The following RNGTT variants were observed in gnomAD, a reference collection of about 807,000 sequenced individuals.
The protein encoded by RNGTT is RNA guanylyltransferase and 5'-phosphatase.
In RNGTT, 33 loss-of-function variants were observed where a neutral mutation model predicts 79.3. That is an observed-to-expected ratio of 0.42 (90% CI 0.32 to 0.56). The LOEUF is 0.56. Ranked by LOEUF, RNGTT falls within the 20% of genes least tolerant of loss-of-function variation. The probability of loss-of-function intolerance (pLI) is 0.17; values close to 1 mark genes in which losing one functional copy is unlikely to be tolerated. For synonymous variants in RNGTT, 222 were observed against 235.9 expected, an observed-to-expected ratio of 0.94 and a Z score of 0.54; for missense variants, 497 against 739.1, an observed-to-expected ratio of 0.67 and a Z score of 3.80.
intron 8 of RNGTT, among the ~76,000 whole-genome samples, chr6:88,868,064 G>T (rs1234168428): frequency 6.6e-6 from 1 of 151,648 alleles, no homozygotes; most frequent in Non-Finnish European, 1.5e-5. Context: ...CACTGCCACA[G>T]CAACTATTCC....
chr6:88,734,708 T>G (rs538415957), intron 13 of RNGTT, among the ~76,000 whole-genome samples: 1 of 152,274 alleles, frequency 6.6e-6, no homozygotes, highest in Admixed American at 6.5e-5. Context: ...ATGACAATTT[T>G]TCAACACTAT....
At chr6:88,658,848 G>A (rs1180468812) in intron 14 of RNGTT, among the ~76,000 whole-genome samples, 1 of 152,204 alleles carries the variant, frequency 6.6e-6, no homozygotes, top group South Asian at 2.1e-4. Flanking sequence ...TCAGCTTTTA[G>A]ACTCTTGGAC....
At chr6:88,669,384 A>T (rs1407255236) in intron 14 of RNGTT, among the ~76,000 whole-genome samples, 9 of 152,242 alleles carry the variant, frequency 5.9e-5, no homozygotes, top group Non-Finnish European at 1.3e-4. Flanking sequence ...CCATGGATCC[A>T]GTTCCTGATA....
At chr6:88,792,285 T>C (rs944461545) in intron 12 of RNGTT, among the ~76,000 whole-genome samples, 1 of 152,200 alleles carries the variant, frequency 6.6e-6, no homozygotes, top group Admixed American at 6.5e-5. Context: ...GCCACATCTG[T>C]CTATAATCAA....
chr6:88,846,632 C>T (rs999808738), intron 10 of RNGTT, among the ~76,000 whole-genome samples: 5 of 152,012 alleles, frequency 3.3e-5, no homozygotes, highest in Non-Finnish European at 5.9e-5. Flanking sequence ...TAGTGGCACA[C>T]GCCTGTGGTC....
chr6:88,852,782 A>G (rs928950992), intron 9 of RNGTT, among the ~76,000 whole-genome samples: 1 of 152,172 alleles, frequency 6.6e-6, no homozygotes, highest in Non-Finnish European at 1.5e-5. Context: ...TCCAATTCAT[A>G]TGGTCTAGGA....
intron 11 of RNGTT, among the ~76,000 whole-genome samples, chr6:88,802,372 CAG>C (rs1187723578): frequency 6.6e-6 from 1 of 152,070 alleles, no homozygotes; most frequent in African/African-American, 2.4e-5. Flanking sequence ...GCCATATCAA[CAG>C]AGTTATAGAC....
intron 11 of RNGTT, among the ~76,000 whole-genome samples, chr6:88,815,332 T>A (rs1780281064): frequency 1.3e-5 from 2 of 152,172 alleles, no homozygotes; most frequent in African/African-American, 4.8e-5. Flanking sequence ...CCTCCCAGAT[T>A]CTGCCCACGT....
intron 13 of RNGTT, among the ~76,000 whole-genome samples, chr6:88,701,534 ATTAT>A (rs1360053880): frequency 4.6e-4 from 70 of 151,194 alleles, no homozygotes; most frequent in African/African-American, 1.6e-3. Context: ...ACAACAAAAA[ATTAT>A]TTATTGAGAA....
intron 8 of RNGTT, among the ~76,000 whole-genome samples, chr6:88,878,279 T>A (rs577706638): frequency 6.6e-6 from 1 of 151,934 alleles, no homozygotes; most frequent in African/African-American, 2.4e-5. Flanking sequence ...TATTTTTTAG[T>A]AGACACAGGT....
At chr6:88,777,281 T>G (rs904763519) in intron 12 of RNGTT, among the ~76,000 whole-genome samples, 2 of 152,208 alleles carry the variant, frequency 1.3e-5, no homozygotes, top group African/African-American at 4.8e-5. Context: ...GGAAGTGTGA[T>G]GCTTCCAACT....
chr6:88,933,746 T>TA (rs772032712), intron 2 of RNGTT, among the ~76,000 whole-genome samples: 28 of 151,792 alleles, frequency 1.8e-4, no homozygotes, highest in Non-Finnish European at 4.0e-4. Context: ...AATGATGATT[T>TA]CATTTTTTCT....
chr6:88,917,950 C>T (rs762032600), intron 4 of RNGTT, among the ~76,000 whole-genome samples: 7 of 151,956 alleles, frequency 4.6e-5, no homozygotes, highest in Non-Finnish European at 1.0e-4. Flanking sequence ...GTCATGTATG[C>T]CAAGTAAAGG....
chr6:88,662,276 AACATC>A (rs1205880317), intron 14 of RNGTT, among the ~76,000 whole-genome samples: 11 of 152,218 alleles, frequency 7.2e-5, no homozygotes, highest in Non-Finnish European at 1.5e-5. Flanking sequence ...CTGGTAGTTA[AACATC>A]AACTCCTGAC....
At chr6:88,937,125 G>A (rs1210827819) in intron 2 of RNGTT, among the ~76,000 whole-genome samples, 7 of 152,012 alleles carry the variant, frequency 4.6e-5, no homozygotes, top group Admixed American at 3.9e-4. Flanking sequence ...GGCAGATCAC[G>A]TGAGGTCAGG....
In RNGTT at chr6:88,912,159, T is replaced by C. The variant is rs559916025; in HGVS notation, c.368-5719A>G. On this transcript the variant is annotated intron_variant, in intron 4 of 15. Coordinates refer to ENST00000369485, the MANE Select transcript of RNGTT (RefSeq NM_003800.5). The stretch of plus-strand genomic sequence containing the variant: ...GGCTCATACCTGTAATCCCAGCATT[T>C]TGGGAGGCCAAGGCAGGAGGATCAC... 9.3e-4 allele frequency among the ~76,000 whole-genome samples: 141 copies of C among 151,560 alleles called. 1 individual carries two copies. Among genetic ancestry groups the C allele is most frequent in the African/African-American group, 3.3e-3 (136 of 41,244 alleles).
chr6:88,778,178 A>G (rs1314558246), intron 12 of RNGTT, among the ~76,000 whole-genome samples: 1 of 152,212 alleles, frequency 6.6e-6, no homozygotes, highest in African/African-American at 2.4e-5. Context: ...GTACAAAGTA[A>G]AAAAAGAAAA....
At chr6:88,831,288 C>T (rs11965756) in intron 11 of RNGTT, among the ~76,000 whole-genome samples, 437 of 152,294 alleles carry the variant, frequency 2.9e-3, no homozygotes, top group African/African-American at 9.1e-3. Context: ...GTTCAACATA[C>T]GCAAATCAAT....
intron 13 of RNGTT, among the ~76,000 whole-genome samples, chr6:88,760,076 T>C (rs6454720): frequency 0.15 from 22,448 of 152,086 alleles, 1,789 homozygotes; most frequent in Middle Eastern, 0.25. Flanking sequence ...TTCCAAAGAA[T>C]CAAATTATAA....
Sources: gnomAD v4.1 joint callset for allele counts (sites outside exome capture counted in the v4.1 genomes callset) on GRCh38, gnomAD v4.1.1 for gene constraint, MANE v1.5 for transcripts, NCBI Gene and HGNC (gene_info 2026-07-23, HGNC 2026-07-21) for gene names.